FAM149A: variants seen among roughly 807,000 people sequenced by gnomAD.
FAM149A encodes the protein family with sequence similarity 149 member A.
In FAM149A, 71 loss-of-function variants were observed where a neutral mutation model predicts 78.2. The ratio of observed to expected loss-of-function variants is 0.91; its 90% CI spans 0.75 to 1.11. The LOEUF (loss-of-function observed/expected upper bound fraction) is 1.11. Ranked by LOEUF, FAM149A falls within the 50% of genes least tolerant of loss-of-function variation. FAM149A has a pLI of 0.00. For missense variants in FAM149A, 1,036 were observed against 971.0 expected, an observed-to-expected ratio of 1.07 and a Z score of -0.89; for synonymous variants, 446 against 410.5, an observed-to-expected ratio of 1.09 and a Z score of -1.04.
chr4:186,159,423 A>T (rs1228123232), intron 8 of FAM149A, among the ~76,000 whole-genome samples: 1 of 152,064 alleles, frequency 6.6e-6, no homozygotes, highest in African/African-American at 2.4e-5. Flanking sequence ...AAAGGCGTGG[A>T]TGAGTAAAAG....
intron 8 of FAM149A, chr4:186,158,733 C>T: frequency 9.5e-7 from 1 of 1,049,258 alleles, no homozygotes; most frequent in Non-Finnish European, 1.2e-6. Context: ...CCCCCTGTGC[C>T]TATTCAGCCG....
chr4:186,136,990 C>CTCTCTCTCTT (rs1561396482), intron 1 of FAM149A, among the ~76,000 whole-genome samples: 12 of 92,786 alleles, frequency 1.3e-4, no homozygotes, highest in African/African-American at 3.5e-4. Context: ...CTCTCTCTCT[C>CTCTCTCTCTT]TCTCTCTCTC....
rs7685209 is a variant in FAM149A, at chr4:186,173,467, T to C, written c.*1480T>C. The stretch of plus-strand genomic sequence containing the variant: ...TCCTGGGCTCAAGCGATTCTCCTGC[T>C]TCAGCCTCCTGGGTAGCTAGGATTA... On this transcript the variant is annotated 3_prime_UTR_variant, in exon 14 of 14. Transcript: ENST00000389354. Among the ~76,000 whole-genome samples the C allele has an allele frequency of 0.3, 32,615 of 110,492 alleles. 12,802 individuals carry two copies. The highest frequency in any genetic ancestry group is 0.69 in the African/African-American group (23,858 of 34,822). The allele number at this position is 110,492 out of a possible 152,430, so 72.5% of individuals were successfully genotyped here.
chr4:186,145,545 G>T (rs535634050), intron 1 of FAM149A, among the ~76,000 whole-genome samples: 1 of 152,204 alleles, frequency 6.6e-6, no homozygotes. Context: ...GCAGAGGTTT[G>T]TGGGCTGTCA....
chr4:186,156,016 G>A lies in FAM149A; in HGVS notation c.1246G>A (p.Glu416Lys), dbSNP rs1734009958. Residue 416 changes from glutamate (E) to lysine (K), a missense_variant, in exon 7 of 14, where the codon GAA (glutamate) becomes AAA (lysine). By Grantham distance (56) the Glu-to-Lys change is moderately conservative. Around this residue, in one of 3 missense-constraint regions of FAM149A, gnomAD observed 716 missense variants for 711.8 expected, o/e 1.01. Transcript: ENST00000389354. ...TATTCTTAGTGATGATGAATGTCTTGAACAAAAACCAGCTCAGCCCGGTAG... is the reference window on the plus strand; with the variant it reads ...TATTCTTAGTGATGATGAATGTCTTAAACAAAAACCAGCTCAGCCCGGTAG... 2.5e-6 allele frequency: 4 copies of A among 1,612,528 alleles called. No homozygotes were observed. The highest frequency in any genetic ancestry group is 1.1e-5 in the South Asian group (1 of 90,512).
chr4:186,116,118 C>T (rs1424952400), intron 1 of FAM149A, among the ~76,000 whole-genome samples: 1 of 34,052 alleles, frequency 2.9e-5, no homozygotes, highest in Non-Finnish European at 6.4e-5. Flanking sequence ...TTAAGCCGGT[C>T]CGAAAAGCGC....
intron 13 of FAM149A, 83 bp from the exon 14 acceptor site, chr4:186,171,831 G>T (rs563137433): frequency 2.0e-6 from 2 of 981,562 alleles, no homozygotes; most frequent in African/African-American, 1.6e-5. Flanking sequence ...TAAAGTATTT[G>T]CATGGAGTGT....
At chr4:186,110,232 G>C in intron 1 of FAM149A, 12 of 985,208 alleles carry the variant, frequency 1.2e-5, no homozygotes, top group Non-Finnish European at 1.4e-5. Context: ...ACAACCCAGG[G>C]GCAGTTTAAA....
In FAM149A at chr4:186,158,473, C is replaced by T. The variant is rs1332530175; in HGVS notation, c.1575+754C>T. 7.2e-6 allele frequency: 8 copies of T among 1,111,410 alleles called. No homozygotes were observed. In the Admixed American group the frequency reaches 2.2e-4, roughly 30 times the overall value. The allele number at this position is 1,111,410 out of a possible 1,614,324, so 68.8% of individuals were successfully genotyped here. ...CCAGGAACACCCATGGGAGTCCACG[C>T]CTGACCTCTGCTTCTGCAGAGACCC... On this transcript the variant is annotated intron_variant, in intron 8 of 13. Coordinates refer to ENST00000389354, the MANE Select transcript of FAM149A (RefSeq NM_001367768.3).
chr4:186,151,801 C>T, intron 3 of FAM149A, 102 bp from the exon 4 acceptor site: 1 of 1,510,068 alleles, frequency 6.6e-7, no homozygotes, highest in African/African-American at 1.4e-5. Context: ...GTGATGCACC[C>T]TCCTACATAG....
rs7692100 is a variant in FAM149A at position 186,174,635 on chromosome 4, T to C, written c.*2648T>C. Among the ~76,000 whole-genome samples, 22,126 of 110,264 alleles carry C rather than the reference T, an allele frequency of 0.2. 7,387 individuals carry two copies. The highest frequency in any genetic ancestry group is 0.4 in the African/African-American group (14,130 of 35,134). 72.3% of individuals were successfully genotyped at this position (110,264 alleles called of 152,430 possible). A position where few individuals can be genotyped will look rare whatever the true frequency, so the allele number is the denominator to read the frequency against. Reference sequence around the variant, plus strand: ...AGACAAAATATTTTTTAAAAAGTGATCTTGAGTCTTCTAAACATTAAATTG... The same window carrying C: ...AGACAAAATATTTTTTAAAAAGTGACCTTGAGTCTTCTAAACATTAAATTG... On this transcript the variant is annotated 3_prime_UTR_variant, in exon 14 of 14. Transcript: ENST00000389354.
intron 1 of FAM149A, among the ~76,000 whole-genome samples, chr4:186,138,960 C>A (rs904861473): frequency 1.3e-5 from 2 of 152,242 alleles, no homozygotes; most frequent in Non-Finnish European, 2.9e-5. Context: ...GGGAGACACA[C>A]ACCACTGGGG....
chr4:186,123,919 G>A (rs2099317131), intron 1 of FAM149A: 4 of 982,476 alleles, frequency 4.1e-6, no homozygotes, highest in Non-Finnish European at 4.8e-6. Flanking sequence ...AGCAGTGACA[G>A]TAGCTGAAAT....
At chr4:186,158,107 C>T in intron 8 of FAM149A, 1 of 1,323,432 alleles carries the variant, frequency 7.6e-7, no homozygotes, top group Non-Finnish European at 9.9e-7. Context: ...GCTGTTGAAC[C>T]CTGCTGAGGT....
chr4:186,149,372 A>G lies in FAM149A; in HGVS notation c.677+89A>G, dbSNP rs1422745140. ...AGTTAGTGACTGGCCATGAATTTCT[A>G]AAAGTAAGATGCAGTTTTATTTTTA... is the stretch of plus-strand genomic sequence containing the variant. On this transcript the variant is annotated intron_variant, in intron 2 of 13. Transcript: ENST00000389354. 18 of 1,206,294 alleles carry G rather than the reference A, an allele frequency of 1.5e-5. No individual in the cohort carries two copies. The South Asian group carries it at 2.3e-4, about 15-fold the overall frequency. The allele number at this position is 1,206,294 out of a possible 1,614,324, so 74.7% of individuals were successfully genotyped here.
At chr4:186,123,935 A>C (rs1407430039) in intron 1 of FAM149A, 1 of 985,072 alleles carries the variant, frequency 1.0e-6, no homozygotes, top group African/African-American at 1.7e-5. Flanking sequence ...GAAATTGCTA[A>C]ACAAAATTCT....
intron 1 of FAM149A, among the ~76,000 whole-genome samples, chr4:186,136,976 T>TCTCTCTCTTTCTCTCTCTC (rs2099323291): frequency 1.4e-5 from 1 of 72,094 alleles, no homozygotes; most frequent in African/African-American, 6.2e-5. Context: ...CTCTCTCTCT[T>TCTCTCTCTTTCTCTCTCTC]TCTCTCTCTC....
chr4:186,168,812 C>T (rs888656107), intron 13 of FAM149A, among the ~76,000 whole-genome samples: 6 of 152,126 alleles, frequency 3.9e-5, no homozygotes, highest in African/African-American at 1.4e-4. Flanking sequence ...GTCTGTGCCT[C>T]AAGGAGCATT....
intron 13 of FAM149A, among the ~76,000 whole-genome samples, chr4:186,170,190 C>T (rs550135710): frequency 2.0e-5 from 3 of 152,272 alleles, no homozygotes; most frequent in Admixed American, 6.5e-5. Flanking sequence ...CTGTAGGTGC[C>T]GGCCTGTGCA....
Sources: gnomAD v4.1 joint callset for allele counts (sites outside exome capture counted in the v4.1 genomes callset) on GRCh38, gnomAD v4.1.1 for gene constraint, gnomAD v4.1.1 regional missense constraint, MANE v1.5 for transcripts, NCBI Gene and HGNC (gene_info 2026-07-23, HGNC 2026-07-21) for gene names.